Variants in SF3A3 observed in about 807,000 individuals in gnomAD.
SF3A3 encodes SAP 61.
In SF3A3, 9 loss-of-function variants were observed where a neutral mutation model predicts 85.8. That is an observed-to-expected ratio of 0.10 (90% CI 0.06 to 0.18). SF3A3 has a LOEUF of 0.18. Among genes scored for constraint, SF3A3 ranks in the 10% least tolerant of loss-of-function variants. The pLI, the probability that SF3A3 is intolerant of heterozygous loss-of-function variation, is 1.00. For synonymous variants in SF3A3, 195 were observed against 204.4 expected (o/e 0.95, Z 0.39); for missense variants, 306 against 593.3 (o/e 0.52, Z 5.03).
intron 12 of SF3A3, among the ~76,000 whole-genome samples, chr1:37,973,193 AAAAG>A (rs1453515738): frequency 6.6e-6 from 1 of 152,194 alleles, no homozygotes; most frequent in Non-Finnish European, 1.5e-5. Flanking sequence ...AAAAAAAAGA[AAAAG>A]AAAAAGAAAA....
intron 4 of SF3A3, among the ~76,000 whole-genome samples, chr1:37,985,571 C>A (rs1033691766): frequency 6.6e-6 from 1 of 152,164 alleles, no homozygotes; most frequent in Non-Finnish European, 1.5e-5. Context: ...TACATTCATG[C>A]CTGCATAGGT....
intron 2 of SF3A3, among the ~76,000 whole-genome samples, chr1:37,988,540 A>G (rs1646470847): frequency 1.3e-5 from 2 of 152,268 alleles, no homozygotes; most frequent in African/African-American, 4.8e-5. Context: ...TCAGATTTTG[A>G]CACCAAATAA....
intron 2 of SF3A3, among the ~76,000 whole-genome samples, chr1:37,988,108 A>G (rs1570472614): frequency 1.3e-5 from 2 of 152,144 alleles, no homozygotes; most frequent in Admixed American, 1.3e-4. Flanking sequence ...GGTGGCTCCT[A>G]TCTTTACATA....
intron 15 of SF3A3, 121 bp from the exon 16 acceptor site, chr1:37,960,296 T>A: frequency 1.1e-6 from 1 of 877,178 alleles, no homozygotes; most frequent in Admixed American, 2.1e-5. Context: ...TTGAGATTCT[T>A]GCCTACCCCA....
At chr1:37,976,472 T>C (rs1388662967) in intron 12 of SF3A3, among the ~76,000 whole-genome samples, 1 of 152,196 alleles carries the variant, frequency 6.6e-6, no homozygotes, top group Non-Finnish European at 1.5e-5. Flanking sequence ...AACATGTAAG[T>C]TGACTTACAT....
At position 37,961,759 on chromosome 1, in the gene SF3A3, CAAAAAAAAAAAA is replaced by C. The variant is rs10699691; in HGVS notation, c.1373-1596_1373-1585del. On this transcript the variant is annotated intron_variant, in intron 15 of 16. Coordinates refer to ENST00000373019, the MANE Select transcript of SF3A3 (RefSeq NM_006802.4). ...AGCCTGGGTGACAAAGCAAGACTGC[CAAAAAAAAAAAA>C]AAAAAAAAAAAAGAAAGAAAGAAAA... Among the ~76,000 whole-genome samples the C allele has an allele frequency of 2.1e-4, 8 of 37,802 alleles. 1 individual carries two copies. In the South Asian group the frequency reaches 6.8e-3, roughly 32 times the overall value. 24.8% of individuals were successfully genotyped at this position (37,802 alleles called of 152,430 possible). A position where few individuals can be genotyped will look rare whatever the true frequency, so the allele number is the denominator to read the frequency against.
chr1:37,961,197 T>C (rs1482691451), intron 15 of SF3A3, among the ~76,000 whole-genome samples: 1 of 152,126 alleles, frequency 6.6e-6, no homozygotes, highest in Non-Finnish European at 1.5e-5. Context: ...GAATGAATAG[T>C]AAATAAAACA....
intron 12 of SF3A3, among the ~76,000 whole-genome samples, chr1:37,974,595 C>A (rs1194163586): frequency 6.6e-6 from 1 of 152,070 alleles, no homozygotes; most frequent in Non-Finnish European, 1.5e-5. Flanking sequence ...AGCCACTGCG[C>A]CCGGCCCAAG....
Position 37,978,756 on chromosome 1 carries a change from A to C in SF3A3, c.899T>G (p.Leu300Trp). Residue 300 changes from leucine to tryptophan, a missense_variant, in exon 11 of 17, where the codon TTG becomes TGG. By Grantham distance (61) the Leu-to-Trp change is moderately conservative (BLOSUM62 -2). Around this residue, in one of 4 missense-constraint regions of SF3A3, gnomAD observed 136 missense variants for 296.6 expected, o/e 0.46. Coordinates refer to ENST00000373019, the MANE Select transcript of SF3A3 (RefSeq NM_006802.4). ...GKSLESLDTS[L>W]FAKNPKSKGT... ...CTTTGACTTGGGATTTTTGGCAAAC[A>C]AAGAGGTATCAAGTGACTCCAGGGA... 5.1e-6 allele frequency: 8 copies of C among 1,569,332 alleles called. No individual in the cohort carries two copies. The highest frequency in any genetic ancestry group is 6.9e-6 in the Non-Finnish European group (8 of 1,155,468).
At chr1:37,970,193 T>C (rs2148718357) in intron 12 of SF3A3, among the ~76,000 whole-genome samples, 1 of 151,696 alleles carries the variant, frequency 6.6e-6, no homozygotes, top group South Asian at 2.1e-4. Context: ...TGATCCCAGC[T>C]CTTTAGGAGG....
chr1:37,978,959 A>G (rs1646398467), intron 10 of SF3A3, 29 bp downstream of exon 10: 1 of 1,598,714 alleles, frequency 6.3e-7, no homozygotes, highest in Admixed American at 1.7e-5. Context: ...CAGTAAATCG[A>G]TAGTTTTGAT....
intron 15 of SF3A3, among the ~76,000 whole-genome samples, chr1:37,962,111 A>C (rs147688286): frequency 9.1e-6 from 1 of 110,174 alleles, no homozygotes; most frequent in Non-Finnish European, 1.9e-5. Context: ...ACAAAACAAA[A>C]CAAACAAAAA....
chr1:37,976,355 C>T (rs1646380249), intron 12 of SF3A3, among the ~76,000 whole-genome samples: 1 of 152,132 alleles, frequency 6.6e-6, no homozygotes, highest in African/African-American at 2.4e-5. Context: ...CTAGGCCTTT[C>T]TCTACCCCAA....
intron 15 of SF3A3, among the ~76,000 whole-genome samples, chr1:37,965,370 G>A (rs1284830404): frequency 4.1e-5 from 6 of 146,292 alleles, no homozygotes; most frequent in African/African-American, 1.5e-4. Flanking sequence ...TTTGTCATAA[G>A]AAGTCAAGAA....
At chr1:37,985,336 G>C (rs1236160380) in intron 4 of SF3A3, among the ~76,000 whole-genome samples, 5 of 152,284 alleles carry the variant, frequency 3.3e-5, no homozygotes, top group African/African-American at 1.2e-4. Context: ...CCTGAGAACA[G>C]GTGACCACTG....
At chr1:37,962,603 C>CAAA (rs10562404) in intron 15 of SF3A3, among the ~76,000 whole-genome samples, 56 of 80,162 alleles carry the variant, frequency 7.0e-4, no homozygotes, top group Middle Eastern at 7.7e-3. Flanking sequence ...AACTCCATCT[C>CAAA]AAAAAAAAAA....
At chr1:37,989,625 G>C (rs770905176) in intron 1 of SF3A3, 30 bp from the exon 2 acceptor site, 2 of 1,611,302 alleles carry the variant, frequency 1.2e-6, no homozygotes, top group African/African-American at 2.7e-5. Flanking sequence ...CACAAACGCC[G>C]TTAGTTTGCG....
At chr1:37,963,345 C>T (rs982722264) in intron 15 of SF3A3, among the ~76,000 whole-genome samples, 1 of 151,906 alleles carries the variant, frequency 6.6e-6, no homozygotes, top group East Asian at 1.9e-4. Flanking sequence ...GGGCTGGGTT[C>T]GGGTGCAGTA....
chr1:37,974,715 A>G (rs537983068), intron 12 of SF3A3, among the ~76,000 whole-genome samples: 2 of 152,302 alleles, frequency 1.3e-5, no homozygotes, highest in African/African-American at 4.8e-5. Flanking sequence ...ACGCTATCCT[A>G]CTTAAGAGAA....
Sources: gnomAD v4.1 joint callset for allele counts (sites outside exome capture counted in the v4.1 genomes callset) on GRCh38, gnomAD v4.1.1 for gene constraint, gnomAD v4.1.1 regional missense constraint, MANE v1.5 for transcripts, NCBI Gene and HGNC (gene_info 2026-07-23, HGNC 2026-07-21) for gene names.